Variants in RUNX2 observed in about 807,000 individuals in gnomAD.
RUNX2 encodes the protein runt-related transcription factor 2.
A neutral mutation model predicts 51.7 loss-of-function variants in RUNX2; 10 were observed. The ratio of observed to expected loss-of-function variants is 0.19; its 90% CI spans 0.12 to 0.33. The LOEUF is 0.33. RUNX2 is among the 10% of genes least tolerant of loss of function. The pLI, the probability that RUNX2 is intolerant of heterozygous loss-of-function variation, is 1.00. For missense variants in RUNX2, 562 were observed against 691.3 expected, an observed-to-expected ratio of 0.81 and a Z score of 2.10; for synonymous variants, 276 against 273.6, an observed-to-expected ratio of 1.01 and a Z score of -0.09.
intron 2 of RUNX2, among the ~76,000 whole-genome samples, chr6:45,364,465 G>T (rs1225817888): frequency 1.3e-5 from 2 of 152,084 alleles, no homozygotes; most frequent in African/African-American, 4.8e-5. Context: ...GTATCCACAG[G>T]AAAAGAAGAG....
chr6:45,542,059 C>T (rs562088353), intron 7 of RUNX2, among the ~76,000 whole-genome samples: 32 of 151,852 alleles, frequency 2.1e-4, no homozygotes, highest in Admixed American at 5.9e-4. Context: ...GGGAGCCAAA[C>T]GTGACTCAGG....
At chr6:45,435,509 C>T (rs1798657076) in intron 4 of RUNX2, among the ~76,000 whole-genome samples, 1 of 152,246 alleles carries the variant, frequency 6.6e-6, no homozygotes, top group South Asian at 2.1e-4. Flanking sequence ...AGGCGTGCGT[C>T]ACCACGCCCA....
At chr6:45,330,282 A>G (rs979264207) in intron 2 of RUNX2, among the ~76,000 whole-genome samples, 2 of 151,974 alleles carry the variant, frequency 1.3e-5, no homozygotes, top group Non-Finnish European at 2.9e-5. Context: ...GGACATAAAC[A>G]CAGCTAGACT....
chr6:45,351,274 G>A (rs999411959), intron 2 of RUNX2, among the ~76,000 whole-genome samples: 1 of 151,934 alleles, frequency 6.6e-6, no homozygotes, highest in Non-Finnish European at 1.5e-5. Context: ...CTCCCACAGA[G>A]ACTGCCCTCC....
At chr6:45,485,716 T>TATACACAC (rs1554394671) in intron 5 of RUNX2, among the ~76,000 whole-genome samples, 1 of 126,446 alleles carries the variant, frequency 7.9e-6, no homozygotes. Context: ...TATATATATA[T>TATACACAC]ACACATATTT....
At chr6:45,346,945 T>C (rs1327310001) in intron 2 of RUNX2, among the ~76,000 whole-genome samples, 2 of 152,040 alleles carry the variant, frequency 1.3e-5, no homozygotes, top group Non-Finnish European at 2.9e-5. Context: ...AAACAAAAAG[T>C]AGGAGGACTT....
intron 2 of RUNX2, among the ~76,000 whole-genome samples, chr6:45,394,059 T>C (rs1358511367): frequency 6.6e-6 from 1 of 151,746 alleles, no homozygotes; most frequent in Non-Finnish European, 1.5e-5. Context: ...ATTAGAGGCG[T>C]GCACCACCAT....
At position 45,521,211 on chromosome 6, in the gene RUNX2, G is replaced by C. The variant is rs367946888; in HGVS notation, c.1021+8804G>C. Among the ~76,000 whole-genome samples the C allele has an allele frequency of 1.6e-4, 25 of 152,176 alleles. No homozygotes were observed. In the East Asian group the frequency reaches 3.5e-3, roughly 21 times the overall value. On this transcript the variant is annotated intron_variant, in intron 7 of 8. Transcript: ENST00000647337. ...AGATTTTAAAAAAAAGAGGAAGATAGATATGTAGGAGAAAAAAAGGAAGAA... is the reference window on the plus strand; with the variant it reads ...AGATTTTAAAAAAAAGAGGAAGATACATATGTAGGAGAAAAAAAGGAAGAA...
At chr6:45,358,821 T>C (rs751154158) in intron 2 of RUNX2, among the ~76,000 whole-genome samples, 4 of 152,168 alleles carry the variant, frequency 2.6e-5, no homozygotes, top group Middle Eastern at 3.4e-3. Flanking sequence ...GAATATTCAC[T>C]CTAAAAATAA....
At chr6:45,449,823 A>C (rs1021752106) in intron 5 of RUNX2, among the ~76,000 whole-genome samples, 6 of 152,226 alleles carry the variant, frequency 3.9e-5, no homozygotes, top group African/African-American at 1.4e-4. Flanking sequence ...ATAGAATCTT[A>C]CTTTGAATAC....
At chr6:45,387,569 T>A (rs1257787734) in intron 2 of RUNX2, among the ~76,000 whole-genome samples, 1 of 152,218 alleles carries the variant, frequency 6.6e-6, no homozygotes, top group African/African-American at 2.4e-5. Flanking sequence ...AATATCCACA[T>A]TCAATGCTTC....
chr6:45,508,057 G>C (rs113810328), intron 6 of RUNX2, among the ~76,000 whole-genome samples: 2,790 of 152,200 alleles, frequency 0.018, 38 homozygotes, highest in Middle Eastern at 0.024. Flanking sequence ...TCTGGAAATG[G>C]TGGAGCTTGG....
At chr6:45,330,055 TA>T (rs1445374989) in intron 2 of RUNX2, among the ~76,000 whole-genome samples, 1 of 151,772 alleles carries the variant, frequency 6.6e-6, no homozygotes, top group Admixed American at 6.6e-5. Flanking sequence ...CAGAAATAAT[TA>T]AACCTGAAGG....
At chr6:45,366,017 A>G (rs1795075505) in intron 2 of RUNX2, among the ~76,000 whole-genome samples, 1 of 152,164 alleles carries the variant, frequency 6.6e-6, no homozygotes, top group Non-Finnish European at 1.5e-5. Context: ...AATGCATTAA[A>G]AAAATTGGCA....
intron 7 of RUNX2, among the ~76,000 whole-genome samples, chr6:45,524,147 C>T (rs1031834911): frequency 6.6e-6 from 1 of 152,138 alleles, no homozygotes; most frequent in African/African-American, 2.4e-5. Context: ...GGCGTATTTT[C>T]TGGAACTGGG....
At chr6:45,374,207 G>A (rs1274137969) in intron 2 of RUNX2, among the ~76,000 whole-genome samples, 2 of 152,120 alleles carry the variant, frequency 1.3e-5, no homozygotes, top group African/African-American at 4.8e-5. Flanking sequence ...GCAAAAGCTA[G>A]GTTTACAGAA....
At chr6:45,390,752 G>T (rs576023527) in intron 2 of RUNX2, among the ~76,000 whole-genome samples, 1 of 152,196 alleles carries the variant, frequency 6.6e-6, no homozygotes, top group South Asian at 2.1e-4. Context: ...AAAGAGAAAG[G>T]CCAATGGAAA....
At chr6:45,469,283 T>C (rs1325891449) in intron 5 of RUNX2, among the ~76,000 whole-genome samples, 1 of 152,232 alleles carries the variant, frequency 6.6e-6, no homozygotes, top group Admixed American at 6.5e-5. Context: ...ACATAGTAGG[T>C]GCCCAGTGAA....
chr6:45,514,976 T>C (rs1264160311), intron 7 of RUNX2, among the ~76,000 whole-genome samples: 1 of 151,624 alleles, frequency 6.6e-6, no homozygotes, highest in Non-Finnish European at 1.5e-5. Context: ...GTAAATAAAG[T>C]CCTTTGGATT....
Sources: allele counts gnomAD v4.1 joint callset (sites outside exome capture counted in the v4.1 genomes callset), GRCh38; gene constraint gnomAD v4.1.1; transcripts MANE v1.5; gene names NCBI Gene and HGNC (gene_info 2026-07-23, HGNC 2026-07-21).